The following MGAT4C variants were observed in gnomAD, a reference collection of about 807,000 sequenced individuals.
MGAT4C encodes MGAT4 family member C.
Under a neutral mutation model 40.1 loss-of-function variants are expected in MGAT4C, and 19 were observed. That is an observed-to-expected ratio of 0.47 (90% CI 0.33 to 0.70). MGAT4C has a LOEUF of 0.70. Among genes scored for constraint, MGAT4C ranks in the 30% least tolerant of loss-of-function variants. The pLI, the probability that MGAT4C is intolerant of heterozygous loss-of-function variation, is 0.02. For missense variants in MGAT4C, 491 were observed against 563.2 expected (o/e 0.87, Z 1.30); for synonymous variants, 181 against 187.1 (o/e 0.97, Z 0.27).
intron 2 of MGAT4C, among the ~76,000 whole-genome samples, chr12:86,681,149 A>G (rs1333934710): frequency 6.6e-6 from 1 of 151,920 alleles, no homozygotes; most frequent in African/African-American, 2.4e-5. Flanking sequence ...TGCTATATTT[A>G]TTATCCATGT....
chr12:86,401,130 GTAACT>G (rs2136236428), intron 3 of MGAT4C, among the ~76,000 whole-genome samples: 1 of 151,794 alleles, frequency 6.6e-6, no homozygotes, highest in East Asian at 1.9e-4. Flanking sequence ...GTTTACATAG[GTAACT>G]TAAATATTTT....
chr12:86,129,031 T>G lies in MGAT4C; in HGVS notation c.-56-79308A>C, dbSNP rs542012826. On this transcript the variant is annotated intron_variant, in intron 1 of 4. Transcript: ENST00000611864. ...CTCTATTATGTTCCATTGGTCTATG[T>G]GCCTACATTCACCTCTGAGCAAGAG... 3.9e-5 allele frequency among the ~76,000 whole-genome samples: 6 copies of G among 152,172 alleles called. No homozygotes were observed. The East Asian group carries it at 1.2e-3, about 29-fold the overall frequency.
At chr12:86,515,708 C>G (rs952061622) in intron 2 of MGAT4C, among the ~76,000 whole-genome samples, 2 of 151,674 alleles carry the variant, frequency 1.3e-5, no homozygotes, top group African/African-American at 4.8e-5. Flanking sequence ...TGGCAATACT[C>G]CTAAATTGTT....
chr12:86,618,485 T>C (rs1337164672), intron 2 of MGAT4C, among the ~76,000 whole-genome samples: 1 of 152,176 alleles, frequency 6.6e-6, no homozygotes, highest in Non-Finnish European at 1.5e-5. Context: ...AACTGAATAC[T>C]ATTTGGTCAT....
At chr12:86,228,600 A>G (rs986019641) in intron 1 of MGAT4C, among the ~76,000 whole-genome samples, 1 of 151,850 alleles carries the variant, frequency 6.6e-6, no homozygotes, top group African/African-American at 2.4e-5. Flanking sequence ...ACTCTAATAG[A>G]ATGAACACTG....
intron 3 of MGAT4C, among the ~76,000 whole-genome samples, chr12:86,361,144 A>G (rs1409590997): frequency 6.6e-6 from 1 of 152,208 alleles, no homozygotes; most frequent in Non-Finnish European, 1.5e-5. Context: ...AGAGATATAG[A>G]CCAATGGAAC....
intron 3 of MGAT4C, among the ~76,000 whole-genome samples, chr12:86,401,546 C>CT (rs1956363511): frequency 1.3e-5 from 2 of 151,866 alleles, no homozygotes; most frequent in Admixed American, 1.3e-4. Context: ...TCAAATTAGA[C>CT]AAAAAAGATA....
At chr12:86,201,651 C>T (rs1353537715) in intron 1 of MGAT4C, among the ~76,000 whole-genome samples, 1 of 151,584 alleles carries the variant, frequency 6.6e-6, no homozygotes, top group Non-Finnish European at 1.5e-5. Context: ...TATTCTAGGT[C>T]CTTTGAATTT....
chr12:86,838,389 A>C (rs998348029), intron 1 of MGAT4C, among the ~76,000 whole-genome samples: 2 of 152,190 alleles, frequency 1.3e-5, no homozygotes, highest in African/African-American at 4.8e-5. Context: ...AAAATCCTCA[A>C]GAGAATTAAT....
intron 1 of MGAT4C, among the ~76,000 whole-genome samples, chr12:86,088,508 A>C (rs571225953): frequency 1.3e-5 from 2 of 152,248 alleles, no homozygotes; most frequent in African/African-American, 4.8e-5. Flanking sequence ...GGAATCTATA[A>C]GGAACTTAAA....
intron 2 of MGAT4C, among the ~76,000 whole-genome samples, chr12:86,529,406 GA>G (rs890458253): frequency 1.1e-4 from 16 of 152,026 alleles, no homozygotes; most frequent in Non-Finnish European, 1.6e-4. Flanking sequence ...GACACTGTAG[GA>G]AATGTAATAC....
At chr12:86,253,323 G>A (rs1000207955) in intron 1 of MGAT4C, among the ~76,000 whole-genome samples, 1 of 151,850 alleles carries the variant, frequency 6.6e-6, no homozygotes, top group East Asian at 1.9e-4. Context: ...ATAACCGGCT[G>A]TATTAAGGGA....
chr12:86,069,581 T>G (rs1415904009), intron 1 of MGAT4C, among the ~76,000 whole-genome samples: 1 of 152,182 alleles, frequency 6.6e-6, no homozygotes, highest in Non-Finnish European at 1.5e-5. Flanking sequence ...CACAATATTC[T>G]TATTCTCAGT....
chr12:85,987,424 A>G (rs994137073), intron 3 of MGAT4C, among the ~76,000 whole-genome samples: 3 of 152,014 alleles, frequency 2.0e-5, no homozygotes, highest in Non-Finnish European at 4.4e-5. Flanking sequence ...GGCGTGAGCC[A>G]CCGCGCCCGG....
At chr12:86,710,779 C>G (rs184276528) in intron 2 of MGAT4C, among the ~76,000 whole-genome samples, 4 of 152,110 alleles carry the variant, frequency 2.6e-5, no homozygotes, top group Non-Finnish European at 5.9e-5. Context: ...AATATGGAAC[C>G]AACTTAACTG....
intron 3 of MGAT4C, among the ~76,000 whole-genome samples, chr12:86,339,561 G>C (rs1954864807): frequency 6.6e-6 from 1 of 152,034 alleles, no homozygotes; most frequent in South Asian, 2.1e-4. Flanking sequence ...AAATGTCTTT[G>C]TATTAAACAT....
chr12:86,452,490 G>A (rs1565772950), intron 2 of MGAT4C, among the ~76,000 whole-genome samples: 1 of 151,636 alleles, frequency 6.6e-6, no homozygotes, highest in Non-Finnish European at 1.5e-5. Flanking sequence ...GTTTGTAGCA[G>A]CTATTTTCTT....
intron 3 of MGAT4C, among the ~76,000 whole-genome samples, chr12:86,370,954 T>C (rs551594532): frequency 1.3e-5 from 2 of 149,578 alleles, no homozygotes; most frequent in Non-Finnish European, 2.9e-5. Flanking sequence ...AAGATGATTT[T>C]ATACCATTAT....
chr12:86,146,892 AT>A (rs1487646542), intron 1 of MGAT4C, among the ~76,000 whole-genome samples: 1 of 150,706 alleles, frequency 6.6e-6, no homozygotes, highest in African/African-American at 2.4e-5. Flanking sequence ...GTATCCTTGC[AT>A]TTTCCACACC....
Sources: allele counts gnomAD v4.1 joint callset (sites outside exome capture counted in the v4.1 genomes callset), GRCh38; gene constraint gnomAD v4.1.1; transcripts MANE v1.5; gene names NCBI Gene and HGNC (gene_info 2026-07-23, HGNC 2026-07-21).